The following GLE1 variants were observed in gnomAD, a reference collection of about 807,000 sequenced individuals.
The protein encoded by GLE1 is GLE1 RNA export mediator.
GLE1 carries 78 observed loss-of-function variants against 97.3 expected under a neutral mutation model. That is an observed-to-expected ratio of 0.80 (90% CI 0.67 to 0.97). The LOEUF is 0.97. Ranked by LOEUF, GLE1 falls within the 50% of genes least tolerant of loss-of-function variation. GLE1 has a pLI of 0.00. For synonymous variants in GLE1, 302 were observed against 313.4 expected (o/e 0.96, Z 0.39); for missense variants, 753 against 857.5 (o/e 0.88, Z 1.52).
chr9:128,506,180 T>C (rs928685275), intron 1 of GLE1, among the ~76,000 whole-genome samples: 3 of 152,062 alleles, frequency 2.0e-5, no homozygotes, highest in Non-Finnish European at 4.4e-5. Context: ...ACCGCATCTC[T>C]ACTAAAAATA....
chr9:128,541,405 G>A lies in GLE1; in HGVS notation c.*235G>A, dbSNP rs1847880196. 1.8e-6 allele frequency: 1 copy of A among 550,942 alleles called. No homozygotes were observed. Among genetic ancestry groups the A allele is most frequent in the Admixed American group, 3.1e-5 (1 of 32,124 alleles). 34.1% of individuals were successfully genotyped at this position (550,942 alleles called of 1,614,324 possible). The stretch of plus-strand genomic sequence containing the variant: ...TCCACGTGATAAAATAAATGGAGTT[G>A]GCCTTTCTTGTTTTTTGCAAAAGTG... On this transcript the variant is annotated 3_prime_UTR_variant, in exon 16 of 16. Coordinates refer to ENST00000309971, the MANE Select transcript of GLE1 (RefSeq NM_001003722.2).
intron 3 of GLE1, among the ~76,000 whole-genome samples, chr9:128,519,604 C>CA (rs1847082343): frequency 6.6e-6 from 1 of 152,210 alleles, no homozygotes; most frequent in African/African-American, 2.4e-5. Context: ...TTATCAATGA[C>CA]AGTGGTGCCT....
At chr9:128,515,768 T>C in intron 3 of GLE1, 129 bp downstream of exon 3, 1 of 700,196 alleles carries the variant, frequency 1.4e-6, no homozygotes, top group South Asian at 1.5e-5. Flanking sequence ...TTGGGGGTAG[T>C]GTAATAGAGG....
At chr9:128,527,599 G>C in intron 9 of GLE1, 74 bp downstream of exon 9, 2 of 900,436 alleles carry the variant, frequency 2.2e-6, no homozygotes, top group Non-Finnish European at 3.8e-6. Context: ...CTATGTATCT[G>C]TAAGGTTCCT....
chr9:128,509,651 CA>C lies in GLE1; in HGVS notation c.321+570del, dbSNP rs200898903. ...CCTATTAAACCTCCACTCCTAAACGCAAAAAAAAAAAAAAAAGTTAAATTGG... is the reference window on the plus strand; with the variant it reads ...CCTATTAAACCTCCACTCCTAAACGCAAAAAAAAAAAAAAAGTTAAATTGG... On this transcript the variant is annotated intron_variant, in intron 2 of 15. Coordinates refer to ENST00000309971, the MANE Select transcript of GLE1 (RefSeq NM_001003722.2). Among the ~76,000 whole-genome samples the C allele has an allele frequency of 5.3e-3, 662 of 125,838 alleles. 1 individual carries two copies. The highest frequency in any genetic ancestry group is 6.4e-3 in the Non-Finnish European group (367 of 57,326). 82.6% of individuals were successfully genotyped at this position (125,838 alleles called of 152,430 possible).
chr9:128,521,818 G>T (rs368913996), intron 3 of GLE1, among the ~76,000 whole-genome samples: 1 of 152,060 alleles, frequency 6.6e-6, no homozygotes, highest in African/African-American at 2.4e-5. Context: ...TCCTGAAATG[G>T]AACAAGTGTC....
chr9:128,513,909 T>C (rs1846899045), intron 2 of GLE1, among the ~76,000 whole-genome samples: 1 of 151,000 alleles, frequency 6.6e-6, no homozygotes. Context: ...TCCCAGCTAC[T>C]TGGGAGGCTG....
At chr9:128,516,356 G>C (rs1846986909) in intron 3 of GLE1, among the ~76,000 whole-genome samples, 1 of 151,896 alleles carries the variant, frequency 6.6e-6, no homozygotes, top group Non-Finnish European at 1.5e-5. Flanking sequence ...GTCTTGCTCT[G>C]TTGCCCAGGC....
intron 9 of GLE1, 66 bp downstream of exon 9, chr9:128,527,591 A>G (rs1252902907): frequency 1.1e-5 from 10 of 948,472 alleles, no homozygotes; most frequent in Admixed American, 3.4e-5. Context: ...CTCCAAATCT[A>G]TGTATCTGTA....
Position 128,540,337 on chromosome 9 carries a change from A to T in GLE1, c.2027A>T (p.Glu676Val). The change falls in exon 15 of 16, where the codon GAG becomes GTG. Residue 676 changes from glutamate (E) to valine (V), a missense_variant and splice_region_variant. Transcript: ENST00000309971. ...GSFIRLKQFL[E>V]KCLQHKDIPV... ...TTCATACGCCTCAAGCAGTTCTTGG[A>T]GGTAAGATGCCCTTAGACCAACATG... 6.3e-7 allele frequency: 1 copy of T among 1,598,418 alleles called. No individual in the cohort carries two copies. The highest frequency in any genetic ancestry group is 1.1e-5 in the South Asian group (1 of 90,754).
At chr9:128,507,389 C>G (rs1305271871) in intron 1 of GLE1, among the ~76,000 whole-genome samples, 1 of 151,980 alleles carries the variant, frequency 6.6e-6, no homozygotes, top group Non-Finnish European at 1.5e-5. Context: ...CGACACCAGC[C>G]TGGGCAATGT....
chr9:128,540,449 C>T, intron 15 of GLE1, 111 bp downstream of exon 15: 1 of 748,340 alleles, frequency 1.3e-6, no homozygotes, highest in Non-Finnish European at 2.4e-6. Context: ...TTCCTTAGTT[C>T]TTCCAAACCC....
In GLE1 at chr9:128,504,849, G is replaced by A. The variant is rs1460658521; in HGVS notation, c.44G>A (p.Arg15His). 6.2e-7 allele frequency: 1 copy of A among 1,613,554 alleles called. No individual in the cohort carries two copies. Among genetic ancestry groups the A allele is most frequent in the Non-Finnish European group, 8.5e-7 (1 of 1,179,594 alleles). The part of the protein sequence containing the change: ...GRCWETLKAL[R>H]SSDKGRLCYY... ...TGCTGGGAGACCTTGAAGGCCCTAC[G>A]CAGTTCCGACAAAGGTCGCCTTTGC... The change falls in exon 1 of 16, where the codon CGC becomes CAC. Residue 15 changes from arginine to histidine, a missense_variant. Physicochemically the swap from Arg to His is conservative, Grantham distance 29 (BLOSUM62 0). Coordinates refer to ENST00000309971, the MANE Select transcript of GLE1 (RefSeq NM_001003722.2).
chr9:128,533,809 A>G lies in GLE1; in HGVS notation c.1504A>G (p.Ile502Val). 6.2e-7 allele frequency: 1 copy of G among 1,614,134 alleles called. No individual in the cohort carries two copies. The change falls in exon 11 of 16, where the codon ATT becomes GTT. Residue 502 changes from isoleucine (I) to valine (V), a missense_variant. Transcript: ENST00000309971. ...CTCTCACCATGAAGCAGCATTCCCCATTGCAGTTGTGGCATCCGGGATCTG... is the reference window on the plus strand; with the variant it reads ...CTCTCACCATGAAGCAGCATTCCCCGTTGCAGTTGTGGCATCCGGGATCTG... ...VASHHEAAFP[I>V]AVVASGIWEL...
rs1304544740 is a variant in GLE1 at position 128,533,257 on chromosome 9, C to A, written c.1313-256C>A. Among the ~76,000 whole-genome samples, 3 of 149,282 alleles carry A rather than the reference C, an allele frequency of 2.0e-5. No individual in the cohort carries two copies. The East Asian group carries it at 5.9e-4, about 29-fold the overall frequency. On this transcript the variant is annotated intron_variant, in intron 9 of 15. Coordinates refer to ENST00000309971, the MANE Select transcript of GLE1 (RefSeq NM_001003722.2). ...TGGCCAACATGGTGAAATCCCATCT[C>A]TACAAAAAAAAAAAAATACAAAACT...
intron 6 of GLE1, among the ~76,000 whole-genome samples, chr9:128,524,867 G>C (rs534279697): frequency 6.6e-6 from 1 of 151,684 alleles, no homozygotes; most frequent in African/African-American, 2.4e-5. Flanking sequence ...CTCCAACCTG[G>C]GCAATGGAGA....
intron 2 of GLE1, among the ~76,000 whole-genome samples, chr9:128,510,526 C>CTTTTTT (rs71381766): frequency 1.2e-5 from 1 of 82,734 alleles, no homozygotes; most frequent in African/African-American, 4.6e-5. Flanking sequence ...CACACCCAGG[C>CTTTTTT]TTTTTTTTTT....
At chr9:128,516,396 C>T (rs376534615) in intron 3 of GLE1, among the ~76,000 whole-genome samples, 3 of 151,856 alleles carry the variant, frequency 2.0e-5, no homozygotes, top group East Asian at 3.9e-4. Context: ...CTCGGCTCAC[C>T]GCAAGCTCCG....
In GLE1 at chr9:128,527,505, GCCAAATCTCTA is replaced by G; in HGVS notation, c.1296_1306del (p.Gln432HisfsTer11). 1 of 1,611,642 alleles carries G rather than the reference GCCAAATCTCTA, an allele frequency of 6.2e-7. No homozygotes were observed. The highest frequency in any genetic ancestry group is 8.5e-7 in the Non-Finnish European group (1 of 1,177,772). On this transcript the variant is annotated frameshift_variant, in exon 9 of 16. Transcript: ENST00000309971. LOFTEE classifies it high-confidence loss of function. ...CAGAAGGCTGCTACCATCCCAGTGA[GCCAAATCTCTA>G]CCATTGCAGGTTGGTCAGAGGGGTT...
Sources: gnomAD v4.1 joint callset for allele counts (sites outside exome capture counted in the v4.1 genomes callset) on GRCh38, gnomAD v4.1.1 for gene constraint, MANE v1.5 for transcripts, NCBI Gene and HGNC (gene_info 2026-07-23, HGNC 2026-07-21) for gene names.